The following CPQ variants were observed in gnomAD, a reference collection of about 807,000 sequenced individuals.
The protein encoded by CPQ is carboxypeptidase Q.
In CPQ, 37 loss-of-function variants were observed where a neutral mutation model predicts 45.7. The ratio of observed to expected loss-of-function variants is 0.81; its 90% CI spans 0.62 to 1.07. CPQ has a LOEUF of 1.07. CPQ is among the 50% of genes least tolerant of loss of function. The pLI, the probability that CPQ is intolerant of heterozygous loss-of-function variation, is 0.00. For synonymous variants in CPQ, 186 were observed against 205.8 expected, an observed-to-expected ratio of 0.90 and a Z score of 0.82; for missense variants, 537 against 572.9, an observed-to-expected ratio of 0.94 and a Z score of 0.64.
At chr8:96,982,517 C>T (rs1428588753) in intron 5 of CPQ, among the ~76,000 whole-genome samples, 1 of 151,904 alleles carries the variant, frequency 6.6e-6, no homozygotes, top group African/African-American at 2.4e-5. Flanking sequence ...TATTAAAATT[C>T]TTTTTTATAG....
chr8:97,138,385 C>T (rs1053750622), intron 7 of CPQ, among the ~76,000 whole-genome samples: 4 of 152,014 alleles, frequency 2.6e-5, no homozygotes, highest in East Asian at 1.9e-4. Context: ...GTTGTAAGAA[C>T]GTGGGTTGGG....
chr8:96,886,397 C>T (rs1812307647), intron 4 of CPQ, among the ~76,000 whole-genome samples: 1 of 152,184 alleles, frequency 6.6e-6, no homozygotes, highest in Non-Finnish European at 1.5e-5. Flanking sequence ...CTTCATGGTA[C>T]TAAAATAGCA....
intron 6 of CPQ, among the ~76,000 whole-genome samples, chr8:97,060,206 C>T (rs1355570430): frequency 1.3e-5 from 2 of 152,060 alleles, no homozygotes; most frequent in Admixed American, 6.6e-5. Flanking sequence ...AAACATCATC[C>T]TTGTGTTTAT....
intron 5 of CPQ, among the ~76,000 whole-genome samples, chr8:97,015,002 T>C (rs1809555113): frequency 6.6e-6 from 1 of 152,196 alleles, no homozygotes; most frequent in Non-Finnish European, 1.5e-5. Context: ...TGCATTACTT[T>C]TTTATAATAC....
intron 1 of CPQ, among the ~76,000 whole-genome samples, chr8:96,742,670 G>A (rs1810110018): frequency 6.6e-6 from 1 of 151,912 alleles, no homozygotes; most frequent in African/African-American, 2.4e-5. Context: ...GGGCAGGCCT[G>A]GTGGTGACAA....
intron 1 of CPQ, among the ~76,000 whole-genome samples, chr8:96,701,028 A>G (rs538264838): frequency 3.1e-4 from 47 of 152,368 alleles, no homozygotes; most frequent in African/African-American, 1.1e-3. Flanking sequence ...ATATGATTCA[A>G]TGTAGGACAG....
At chr8:96,880,119 C>T (rs1437317604) in intron 4 of CPQ, 114 bp downstream of exon 4, 15 of 869,700 alleles carry the variant, frequency 1.7e-5, no homozygotes, top group African/African-American at 3.4e-5. Flanking sequence ...CTCATAGATT[C>T]GTTGAAGGCA....
At chr8:96,905,391 A>T (rs1812563116) in intron 4 of CPQ, among the ~76,000 whole-genome samples, 1 of 152,134 alleles carries the variant, frequency 6.6e-6, no homozygotes, top group Admixed American at 6.6e-5. Context: ...TTACAGATGA[A>T]GGCACAGTAG....
chr8:96,717,731 C>A (rs1356744342), intron 1 of CPQ, among the ~76,000 whole-genome samples: 4 of 152,104 alleles, frequency 2.6e-5, no homozygotes, highest in African/African-American at 9.7e-5. Context: ...AGGGGCAAAG[C>A]CAAGTCGTGG....
At chr8:96,811,302 C>T (rs1023098016) in intron 2 of CPQ, among the ~76,000 whole-genome samples, 1 of 152,028 alleles carries the variant, frequency 6.6e-6, no homozygotes, top group Non-Finnish European at 1.5e-5. Flanking sequence ...GGAGTCTATA[C>T]CTTATTTGTA....
chr8:96,868,848 C>T (rs1366287808), intron 3 of CPQ, among the ~76,000 whole-genome samples: 2 of 151,790 alleles, frequency 1.3e-5, no homozygotes, highest in African/African-American at 4.8e-5. Flanking sequence ...GCAAAATATT[C>T]CACTGAAATT....
chr8:97,019,253 G>C (rs966341646), intron 5 of CPQ, among the ~76,000 whole-genome samples: 3 of 152,000 alleles, frequency 2.0e-5, no homozygotes, highest in Admixed American at 1.3e-4. Context: ...AACAAATCCT[G>C]GAAACACATC....
At chr8:96,768,070 A>G (rs1810492346) in intron 1 of CPQ, among the ~76,000 whole-genome samples, 3 of 151,912 alleles carry the variant, frequency 2.0e-5, no homozygotes, top group Admixed American at 2.0e-4. Context: ...TCCTTTTTTT[A>G]AAGTTACCTT....
chr8:96,959,030 C>T (rs1490621104), intron 4 of CPQ, among the ~76,000 whole-genome samples: 1 of 152,056 alleles, frequency 6.6e-6, no homozygotes, highest in Non-Finnish European at 1.5e-5. Context: ...TGTAGACCAC[C>T]TAGTCAGAAT....
At chr8:97,088,871 G>A (rs1287289360) in intron 7 of CPQ, among the ~76,000 whole-genome samples, 1 of 152,148 alleles carries the variant, frequency 6.6e-6, no homozygotes, top group African/African-American at 2.4e-5. Context: ...AAAAGAAATA[G>A]ATTGCCTGTA....
In CPQ at chr8:96,760,570, A is replaced by T. The variant is rs146337001; in HGVS notation, c.-34-24294A>T. The stretch of plus-strand genomic sequence containing the variant: ...ATTTCTAAAGGGCTTAAGGAGGATT[A>T]TAAGGAACAGAGATGAATTTAGACC... On this transcript the variant is annotated intron_variant, in intron 1 of 7. Coordinates refer to ENST00000220763, the MANE Select transcript of CPQ (RefSeq NM_016134.4). Among the ~76,000 whole-genome samples the T allele has an allele frequency of 4.8e-3, 725 of 152,292 alleles. 11 individuals are homozygous for T. The highest frequency in any genetic ancestry group is 0.012 in the African/African-American group (511 of 41,562).
At chr8:96,896,373 A>G (rs778788788) in intron 4 of CPQ, among the ~76,000 whole-genome samples, 2 of 152,066 alleles carry the variant, frequency 1.3e-5, no homozygotes, top group Non-Finnish European at 2.9e-5. Context: ...AAGATGATAT[A>G]CTGGTCATAC....
rs1212825837 is a variant in CPQ at position 97,029,436 on chromosome 8, T to C, written c.995T>C (p.Leu332Pro). Residue 332 changes from leucine to proline, a missense_variant, in exon 6 of 8, where the codon CTC becomes CCC. Coordinates refer to ENST00000220763, the MANE Select transcript of CPQ (RefSeq NM_016134.4). ...LRPKRTLRLV[L>P]WTAEEQGGVG... The stretch of plus-strand genomic sequence containing the variant: ...CCAAAGAGGACTCTGCGGCTGGTGC[T>C]CTGGACTGCAGAAGAACAAGGTGGA... 2 of 1,609,000 alleles carry C rather than the reference T, an allele frequency of 1.2e-6. No individual in the cohort carries two copies. The highest frequency in any genetic ancestry group is 1.7e-5 in the Admixed American group (1 of 59,542).
At position 96,860,111 on chromosome 8, in the gene CPQ, G is replaced by C. The variant is rs1349653376; in HGVS notation, c.642-19687G>C. Among the ~76,000 whole-genome samples the C allele has an allele frequency of 2.0e-5, 3 of 152,034 alleles. No homozygotes were observed. The East Asian group carries it at 5.8e-4, about 29-fold the overall frequency. On this transcript the variant is annotated intron_variant, in intron 3 of 7. Coordinates refer to ENST00000220763, the MANE Select transcript of CPQ (RefSeq NM_016134.4). ...TTCTATGAACTCTTTTAGAGACTCTGAGCACACTGAAAGCTTACCTGCTGT... is the reference window on the plus strand; with the variant it reads ...TTCTATGAACTCTTTTAGAGACTCTCAGCACACTGAAAGCTTACCTGCTGT...
Sources: allele counts gnomAD v4.1 joint callset (sites outside exome capture counted in the v4.1 genomes callset), GRCh38; gene constraint gnomAD v4.1.1; transcripts MANE v1.5; gene names NCBI Gene and HGNC (gene_info 2026-07-23, HGNC 2026-07-21).